The following BLNK variants were observed in gnomAD, a reference collection of about 807,000 sequenced individuals.
BLNK encodes B cell linker.
BLNK carries 29 observed loss-of-function variants against 73.5 expected under a neutral mutation model. The ratio of observed to expected loss-of-function variants is 0.39; its 90% CI spans 0.29 to 0.54. BLNK has a LOEUF of 0.54. Among genes scored for constraint, BLNK ranks in the 20% least tolerant of loss-of-function variants. The pLI, the probability that BLNK is intolerant of heterozygous loss-of-function variation, is 0.61. For missense variants in BLNK, 460 were observed against 562.8 expected (o/e 0.82, Z 1.85); for synonymous variants, 176 against 200.8 (o/e 0.88, Z 1.04).
chr10:96,253,612 A>G (rs1843378097), intron 1 of BLNK, among the ~76,000 whole-genome samples: 1 of 152,198 alleles, frequency 6.6e-6, no homozygotes, highest in Admixed American at 6.5e-5. Context: ...TGGACCCTAA[A>G]CCATATCAAT....
chr10:96,209,312 A>G (rs2083893609), intron 9 of BLNK, among the ~76,000 whole-genome samples: 1 of 152,262 alleles, frequency 6.6e-6, no homozygotes, highest in South Asian at 2.1e-4. Flanking sequence ...GTCTTGTGGA[A>G]CACTGTAAGT....
At chr10:96,228,522 G>A (rs782294142) in intron 4 of BLNK, among the ~76,000 whole-genome samples, 2 of 152,146 alleles carry the variant, frequency 1.3e-5, no homozygotes, top group Non-Finnish European at 2.9e-5. Context: ...CTCCCAAAGC[G>A]CTGAGATTAC....
At chr10:96,198,658 T>C (rs1430102165) in intron 15 of BLNK, among the ~76,000 whole-genome samples, 3 of 152,214 alleles carry the variant, frequency 2.0e-5, no homozygotes, top group Admixed American at 2.0e-4. Context: ...CCAAGATTTC[T>C]TCCAACTACT....
intron 1 of BLNK, among the ~76,000 whole-genome samples, chr10:96,258,761 T>C (rs1011580113): frequency 3.3e-5 from 5 of 152,214 alleles, no homozygotes; most frequent in Admixed American, 3.3e-4. Flanking sequence ...CCAGCATTTA[T>C]TGAGCATGTA....
Position 96,249,853 on chromosome 10 carries a change from G to A in BLNK, c.48-2804C>T, listed in dbSNP as rs564765836. On this transcript the variant is annotated intron_variant, in intron 1 of 16. Coordinates refer to ENST00000224337, the MANE Select transcript of BLNK (RefSeq NM_013314.4). ...TAAGATCTTGTAGTAGCTGCAGCCCGGCCTCAGCTGGGCCTTGGGGAAGAG... is the reference window on the plus strand; with the variant it reads ...TAAGATCTTGTAGTAGCTGCAGCCCAGCCTCAGCTGGGCCTTGGGGAAGAG... Among the ~76,000 whole-genome samples, 20 of 152,328 alleles carry A rather than the reference G, an allele frequency of 1.3e-4. No individual in the cohort carries two copies. The East Asian group carries it at 3.1e-3, about 23-fold the overall frequency.
chr10:96,198,848 G>A (rs1055209786), intron 15 of BLNK, among the ~76,000 whole-genome samples: 2 of 152,140 alleles, frequency 1.3e-5, no homozygotes, highest in East Asian at 1.9e-4. Flanking sequence ...ATAGGCGCCC[G>A]CCATCACGCC....
chr10:96,243,864 A>G (rs1026087319), intron 2 of BLNK, among the ~76,000 whole-genome samples: 1 of 152,168 alleles, frequency 6.6e-6, no homozygotes, highest in Non-Finnish European at 1.5e-5. Flanking sequence ...TTAACTAAGA[A>G]TTATTTGCTT....
At chr10:96,207,320 AC>A (rs1304446909) in intron 10 of BLNK, among the ~76,000 whole-genome samples, 1 of 150,592 alleles carries the variant, frequency 6.6e-6, no homozygotes, top group African/African-American at 2.4e-5. Flanking sequence ...GGAAATCATG[AC>A]CCCCCCAGCA....
Position 96,190,869 on chromosome 10 carries a change from C to T in BLNK, c.*1104G>A, listed in dbSNP as rs1229237523. Reference sequence around the variant, plus strand: ...GTGTTCACCAATGTCTGCTTTTCTGCTCTTGTTTTGTGGGATATTTCTCTA... The same window carrying T: ...GTGTTCACCAATGTCTGCTTTTCTGTTCTTGTTTTGTGGGATATTTCTCTA... On this transcript the variant is annotated 3_prime_UTR_variant, in exon 17 of 17. Transcript: ENST00000224337. Among the ~76,000 whole-genome samples, 1 of 152,154 alleles carries T rather than the reference C, an allele frequency of 6.6e-6. No homozygotes were observed. The highest frequency in any genetic ancestry group is 1.5e-5 in the Non-Finnish European group (1 of 68,022).
intron 13 of BLNK, among the ~76,000 whole-genome samples, chr10:96,202,272 A>G (rs1354988788): frequency 2.0e-5 from 3 of 152,172 alleles, no homozygotes; most frequent in African/African-American, 7.2e-5. Context: ...ATGTTTTAAC[A>G]GGGTCATTCC....
At chr10:96,208,016 G>T in intron 9 of BLNK, 117 bp from the exon 10 acceptor site, 2 of 1,105,420 alleles carry the variant, frequency 1.8e-6, no homozygotes, top group Non-Finnish European at 1.4e-6. Context: ...CAAGTGTGTA[G>T]AAGACTATCC....
At chr10:96,224,165 T>C (rs782751419) in intron 5 of BLNK, among the ~76,000 whole-genome samples, 176 bp from the exon 6 acceptor site, 1 of 152,178 alleles carries the variant, frequency 6.6e-6, no homozygotes, top group Non-Finnish European at 1.5e-5. Flanking sequence ...TTCAACTGCT[T>C]ATTGACTTAA....
intron 6 of BLNK, among the ~76,000 whole-genome samples, chr10:96,219,710 T>C (rs1270955792): frequency 6.6e-6 from 1 of 152,222 alleles, no homozygotes; most frequent in South Asian, 2.1e-4. Context: ...GTCATGATGA[T>C]ATAGGAGTTA....
intron 1 of BLNK, among the ~76,000 whole-genome samples, chr10:96,270,980 G>A (rs181363661): frequency 1.7e-3 from 266 of 152,306 alleles, no homozygotes; most frequent in Admixed American, 3.0e-3. Context: ...AATAAAATGG[G>A]TGAGGACTCA....
At chr10:96,218,704 A>G (rs2084125673) in intron 6 of BLNK, among the ~76,000 whole-genome samples, 1 of 149,866 alleles carries the variant, frequency 6.7e-6, no homozygotes. Context: ...AAAGTGGTAG[A>G]TCCAGGATTT....
intron 4 of BLNK, 123 bp from the exon 5 acceptor site, chr10:96,227,689 C>A: frequency 6.7e-7 from 1 of 1,482,552 alleles, no homozygotes. Flanking sequence ...AGGTTGACTT[C>A]AAAAGGCTAG....
chr10:96,207,908 TAA>T lies in BLNK; in HGVS notation c.747-11_747-10del, dbSNP rs782172532. 1 of 1,613,844 alleles carries T rather than the reference TAA, an allele frequency of 6.2e-7. No homozygotes were observed. Among genetic ancestry groups the T allele is most frequent in the South Asian group, 1.1e-5 (1 of 91,066 alleles). On this transcript the variant is annotated splice_polypyrimidine_tract_variant and intron_variant, in intron 9 of 16. Coordinates refer to ENST00000224337, the MANE Select transcript of BLNK (RefSeq NM_013314.4). ...GTGTCGTTGGTTTTTTCCTGGGGAA[TAA>T]AAAGAGATGAGCTTTGTTAAAACAC...
At chr10:96,214,922 A>G (rs1554899497) in intron 8 of BLNK, among the ~76,000 whole-genome samples, 2 of 152,180 alleles carry the variant, frequency 1.3e-5, no homozygotes, top group African/African-American at 4.8e-5. Context: ...TACAAGCCCA[A>G]GGTGGCATAG....
At chr10:96,265,712 G>A (rs1176532117) in intron 1 of BLNK, among the ~76,000 whole-genome samples, 2 of 152,170 alleles carry the variant, frequency 1.3e-5, no homozygotes, top group Admixed American at 6.5e-5. Flanking sequence ...TTAAATACAC[G>A]TTGTCACTAT....
Sources: allele counts gnomAD v4.1 joint callset (sites outside exome capture counted in the v4.1 genomes callset), GRCh38; gene constraint gnomAD v4.1.1; transcripts MANE v1.5; gene names NCBI Gene and HGNC (gene_info 2026-07-23, HGNC 2026-07-21).